The following MYO3B variants were observed in gnomAD, a reference collection of about 807,000 sequenced individuals.
The protein encoded by MYO3B is myosin IIIB.
A neutral mutation model predicts 174.6 loss-of-function variants in MYO3B; 156 were observed. That is an observed-to-expected ratio of 0.89 (90% CI 0.78 to 1.02). The LOEUF (loss-of-function observed/expected upper bound fraction) is 1.02. Ranked by LOEUF, MYO3B falls within the 50% of genes least tolerant of loss-of-function variation. The probability of loss-of-function intolerance (pLI) is 0.00; values close to 1 mark genes in which losing one functional copy is unlikely to be tolerated. For missense variants in MYO3B, 1,632 were observed against 1,639.4 expected, an observed-to-expected ratio of 1.00 and a Z score of 0.08; for synonymous variants, 563 against 569.1, an observed-to-expected ratio of 0.99 and a Z score of 0.15.
chr2:170,317,765 T>G (rs1215386296), intron 7 of MYO3B, among the ~76,000 whole-genome samples: 1 of 152,212 alleles, frequency 6.6e-6, no homozygotes. Flanking sequence ...GGGAATTTAT[T>G]CTTAAAAAGG....
intron 8 of MYO3B, among the ~76,000 whole-genome samples, chr2:170,359,052 A>G (rs771369100): frequency 3.3e-5 from 5 of 152,208 alleles, no homozygotes; most frequent in Admixed American, 2.0e-4. Context: ...ATGAAACAGA[A>G]TGTTTCAAGA....
At chr2:170,468,813 G>A (rs1248216465) in intron 25 of MYO3B, among the ~76,000 whole-genome samples, 1 of 152,066 alleles carries the variant, frequency 6.6e-6, no homozygotes, top group Non-Finnish European at 1.5e-5. Context: ...GTCTACAGAG[G>A]GCAAACACAT....
chr2:170,457,735 AG>A (rs1370340559), intron 23 of MYO3B, among the ~76,000 whole-genome samples: 2 of 152,184 alleles, frequency 1.3e-5, no homozygotes, highest in African/African-American at 4.8e-5. Context: ...TGTAAGTAGA[AG>A]AAGTACACCC....
In MYO3B at chr2:170,542,850, T is replaced by C. The variant is rs146718573; in HGVS notation, c.3576-56T>C. ...TTGAAGAAAAACAGTCCTCTCTAAGTTTTTCTATTATTATTTTCAAGTCTT... is the reference window on the plus strand; with the variant it reads ...TTGAAGAAAAACAGTCCTCTCTAAGCTTTTCTATTATTATTTTCAAGTCTT... On this transcript the variant is annotated intron_variant, in intron 30 of 34. Coordinates refer to ENST00000408978, the MANE Select transcript of MYO3B (RefSeq NM_138995.5). 7.1e-4 allele frequency: 973 copies of C among 1,364,396 alleles called. 8 individuals are homozygous for C. The African/African-American group carries it at 0.013, about 18-fold the overall frequency. 84.5% of individuals were successfully genotyped at this position (1,364,396 alleles called of 1,614,324 possible).
intron 32 of MYO3B, among the ~76,000 whole-genome samples, chr2:170,580,737 T>C (rs1286143254): frequency 2.0e-5 from 3 of 150,452 alleles, no homozygotes; most frequent in Non-Finnish European, 4.4e-5. Flanking sequence ...TGTGTGTGTG[T>C]GTGTGTGTGT....
chr2:170,396,211 G>A (rs755096338), intron 16 of MYO3B, among the ~76,000 whole-genome samples: 2 of 152,206 alleles, frequency 1.3e-5, no homozygotes, highest in South Asian at 4.1e-4. Flanking sequence ...AGGCAGAGAT[G>A]CCAGGAAAGG....
At chr2:170,465,891 T>C (rs1684593286) in intron 24 of MYO3B, among the ~76,000 whole-genome samples, 2 of 152,160 alleles carry the variant, frequency 1.3e-5, no homozygotes, top group African/African-American at 2.4e-5. Context: ...GAGGAACAAC[T>C]GAGGCCCTCC....
At chr2:170,400,549 C>T (rs189385116) in intron 17 of MYO3B, among the ~76,000 whole-genome samples, 10 of 151,942 alleles carry the variant, frequency 6.6e-5, no homozygotes, top group East Asian at 3.9e-4. Context: ...GGATTACAGG[C>T]GCCTGCCACC....
chr2:170,452,081 C>T (rs1158101469), intron 23 of MYO3B, among the ~76,000 whole-genome samples: 1 of 152,024 alleles, frequency 6.6e-6, no homozygotes, highest in Admixed American at 6.6e-5. Flanking sequence ...TTCTCTAATC[C>T]AAGCATGCAA....
intron 7 of MYO3B, among the ~76,000 whole-genome samples, chr2:170,328,939 T>G (rs2093889842): frequency 6.6e-6 from 1 of 152,118 alleles, no homozygotes; most frequent in Non-Finnish European, 1.5e-5. Context: ...CCAAGGCAGA[T>G]CACCTGAGGT....
rs150162821 is a variant in MYO3B at position 170,398,328 on chromosome 2, C to G, written c.1792-1860C>G. On this transcript the variant is annotated intron_variant, in intron 16 of 34. Transcript: ENST00000408978. Reference sequence around the variant, plus strand: ...TGGGAAGTAACATAGAGCTTCCATTCCCTCTGAGCACACCACTCTCCCAGC... The same window carrying G: ...TGGGAAGTAACATAGAGCTTCCATTGCCTCTGAGCACACCACTCTCCCAGC... Among the ~76,000 whole-genome samples, 15 of 152,140 alleles carry G rather than the reference C, an allele frequency of 9.9e-5. No individual in the cohort carries two copies. In the East Asian group the frequency reaches 2.3e-3, roughly 23 times the overall value.
At chr2:170,517,369 G>C (rs570532668) in intron 29 of MYO3B, among the ~76,000 whole-genome samples, 3 of 152,162 alleles carry the variant, frequency 2.0e-5, no homozygotes, top group Admixed American at 6.5e-5. Flanking sequence ...GCTGAACCAG[G>C]TAAAGATATT....
intron 3 of MYO3B, among the ~76,000 whole-genome samples, chr2:170,211,991 C>T (rs756432630): frequency 9.9e-5 from 15 of 151,180 alleles, no homozygotes; most frequent in East Asian, 3.9e-4. Flanking sequence ...GGCCTGTAAT[C>T]CCAGCACCTT....
At chr2:170,383,458 G>C (rs775587984) in intron 11 of MYO3B, among the ~76,000 whole-genome samples, 2 of 152,172 alleles carry the variant, frequency 1.3e-5, no homozygotes, top group African/African-American at 2.4e-5. Context: ...TGTGGGACAG[G>C]TACTGTTGTT....
chr2:170,215,898 T>C (rs537948983), intron 5 of MYO3B, among the ~76,000 whole-genome samples: 1 of 152,332 alleles, frequency 6.6e-6, no homozygotes, highest in African/African-American at 2.4e-5. Context: ...GATACTGATG[T>C]ATTCACTCAG....
At chr2:170,327,164 A>G (rs916411105) in intron 7 of MYO3B, among the ~76,000 whole-genome samples, 9 of 152,220 alleles carry the variant, frequency 5.9e-5, no homozygotes, top group Non-Finnish European at 1.3e-4. Flanking sequence ...AGGCGGGCAG[A>G]TCACAAGGTC....
chr2:170,501,546 T>C (rs1395534742), intron 27 of MYO3B, among the ~76,000 whole-genome samples: 1 of 152,092 alleles, frequency 6.6e-6, no homozygotes, highest in Non-Finnish European at 1.5e-5. Context: ...ACCCAGAGTG[T>C]TCTGGAAATC....
chr2:170,363,707 A>T (rs1056853158), intron 8 of MYO3B, among the ~76,000 whole-genome samples: 1 of 152,134 alleles, frequency 6.6e-6, no homozygotes. Flanking sequence ...TAGATAGTGG[A>T]TTGATTTCCT....
At chr2:170,217,016 T>A (rs2092836247) in intron 5 of MYO3B, among the ~76,000 whole-genome samples, 1 of 149,570 alleles carries the variant, frequency 6.7e-6, no homozygotes. Context: ...CTAGGAATGG[T>A]TTTTACATTT....
Sources: allele counts gnomAD v4.1 joint callset (sites outside exome capture counted in the v4.1 genomes callset), GRCh38; gene constraint gnomAD v4.1.1; transcripts MANE v1.5; gene names NCBI Gene and HGNC (gene_info 2026-07-23, HGNC 2026-07-21).